ZNF667: variants seen among roughly 807,000 people sequenced by gnomAD.
The protein encoded by ZNF667 is zinc finger protein 667.
In ZNF667, 13 loss-of-function variants were observed where a neutral mutation model predicts 31.8. The ratio of observed to expected loss-of-function variants is 0.41; its 90% CI spans 0.27 to 0.65. The LOEUF (loss-of-function observed/expected upper bound fraction) is 0.65, where lower values mean the gene tolerates loss of function less well. Ranked by LOEUF, ZNF667 falls within the 30% of genes least tolerant of loss-of-function variation. ZNF667 has a pLI of 0.32. For synonymous variants in ZNF667, 228 were observed against 247.1 expected (o/e 0.92, Z 0.73); for missense variants, 642 against 725.6 (o/e 0.88, Z 1.32).
intron 2 of ZNF667, among the ~76,000 whole-genome samples, chr19:56,473,532 T>C (rs1382392282): frequency 1.3e-5 from 2 of 152,174 alleles, no homozygotes; most frequent in Non-Finnish European, 2.9e-5. Flanking sequence ...AGAACCATAG[T>C]AGTGATTCCT....
chr19:56,448,638 T>TAAAAA (rs34255832), intron 6 of ZNF667, among the ~76,000 whole-genome samples: 1 of 148,798 alleles, frequency 6.7e-6, no homozygotes, highest in Non-Finnish European at 1.5e-5. Context: ...TCAACCACAG[T>TAAAAA]AAAAAAAAAA....
At position 56,441,182 on chromosome 19, in the gene ZNF667, G is replaced by A; in HGVS notation, c.1813C>T (p.His605Tyr). The A allele has an allele frequency of 6.2e-7, 1 of 1,609,484 alleles. No individual in the cohort carries two copies. The highest frequency in any genetic ancestry group is 1.7e-5 in the Admixed American group (1 of 59,688). Residue 605 changes from histidine (H) to tyrosine (Y), a missense_variant, in exon 7 of 7, where the codon CAT becomes TAT. Physicochemically the swap from His to Tyr is moderately conservative, Grantham distance 83. Transcript: ENST00000504904. The surrounding 1 kb of genome is among the most constrained non-coding windows in gnomAD (Gnocchi z 4.2). ...SSSLIRHQNT[H>Y]SEEKA ...CAACCTTAGGCTTTTTCTTCAGAAT[G>A]TGTATTCTGATGTCGAATCAGGGAT...
intron 3 of ZNF667, among the ~76,000 whole-genome samples, chr19:56,464,852 C>T (rs1375951608): frequency 6.6e-6 from 1 of 152,196 alleles, no homozygotes; most frequent in African/African-American, 2.4e-5. Context: ...ACTAACTCAA[C>T]CAGATCCTCA....
intron 3 of ZNF667, among the ~76,000 whole-genome samples, chr19:56,464,932 T>C (rs368798195): frequency 1.3e-5 from 2 of 152,196 alleles, no homozygotes; most frequent in African/African-American, 4.8e-5. Flanking sequence ...CATTTGTCTT[T>C]GGAGAGGACA....
chr19:56,473,445 C>T (rs1461193632), intron 2 of ZNF667, among the ~76,000 whole-genome samples: 1 of 152,214 alleles, frequency 6.6e-6, no homozygotes, highest in Admixed American at 6.5e-5. Context: ...AACAACCTAA[C>T]AGCCCATCAA....
chr19:56,472,876 G>A (rs527735972), intron 2 of ZNF667: 1 of 152,080 alleles, frequency 6.6e-6, no homozygotes, highest in South Asian at 2.1e-4. Flanking sequence ...ACTGTTCAAG[G>A]GTCAACCACA....
intron 6 of ZNF667, among the ~76,000 whole-genome samples, chr19:56,447,707 C>G (rs2147696021): frequency 6.6e-6 from 1 of 152,208 alleles, no homozygotes; most frequent in South Asian, 2.1e-4. Flanking sequence ...ATGGTGAAAC[C>G]CCATCTCTAC....
chr19:56,462,573 T>C (rs866952449), intron 3 of ZNF667, 144 bp from the exon 4 acceptor site: 7 of 628,966 alleles, frequency 1.1e-5, no homozygotes, highest in Admixed American at 2.6e-5. Flanking sequence ...GGCGCATTCC[T>C]GTCCCCCCTC....
intron 1 of ZNF667, chr19:56,476,802 G>A (rs547131545): frequency 7.2e-5 from 11 of 152,808 alleles, no homozygotes; most frequent in African/African-American, 2.6e-4. Context: ...CAGACGCCCA[G>A]GCAAGTCACA....
rs149282516 is a variant in ZNF667 at position 56,446,105 on chromosome 19, G to A, written c.254-3364C>T. On this transcript the variant is annotated intron_variant, in intron 6 of 6. Coordinates refer to ENST00000504904, the MANE Select transcript of ZNF667 (RefSeq NM_001321356.2). ...CTAAAGATTTTTTCAGTACATATGTGGCTCACATTATATTTCTATTTCATA... is the reference window on the plus strand; with the variant it reads ...CTAAAGATTTTTTCAGTACATATGTAGCTCACATTATATTTCTATTTCATA... Among the ~76,000 whole-genome samples the A allele has an allele frequency of 5.2e-3, 797 of 152,306 alleles. 7 individuals carry two copies. The highest frequency in any genetic ancestry group is 9.4e-3 in the Non-Finnish European group (641 of 68,026).
intron 6 of ZNF667, among the ~76,000 whole-genome samples, chr19:56,452,341 C>T (rs2042848904): frequency 6.6e-6 from 1 of 152,038 alleles, no homozygotes; most frequent in Admixed American, 6.6e-5. Context: ...TGAGCCACCA[C>T]CCCCGGCCTG....
intron 4 of ZNF667, among the ~76,000 whole-genome samples, 158 bp from the exon 5 acceptor site, chr19:56,460,973 T>C (rs1303782646): frequency 6.6e-6 from 1 of 152,210 alleles, no homozygotes; most frequent in Non-Finnish European, 1.5e-5. Flanking sequence ...GTGTATTAAA[T>C]AAGTTAAATA....
In ZNF667 at chr19:56,441,634, C is replaced by A. The variant is rs376504755; in HGVS notation, c.1361G>T (p.Arg454Leu). ...TTGATGTTCAATAAGAAATGATTGG[C>A]GGCCGAAAACTTTACTACATTTATT... is the stretch of plus-strand genomic sequence containing the variant. ...KCNKCSKVFG[R>L]QSFLIEHQRI... The change falls in exon 7 of 7, where the codon CGC becomes CTC. Residue 454 changes from arginine to leucine, a missense_variant. Coordinates refer to ENST00000504904, the MANE Select transcript of ZNF667 (RefSeq NM_001321356.2). The surrounding 1 kb of genome is among the most constrained non-coding windows in gnomAD (Gnocchi z 4.2). 1 of 1,613,788 alleles carries A rather than the reference C, an allele frequency of 6.2e-7. No homozygotes were observed. Among genetic ancestry groups the A allele is most frequent in the Admixed American group, 1.7e-5 (1 of 59,958 alleles).
chr19:56,469,910 T>C, intron 3 of ZNF667: 1 of 489,674 alleles, frequency 2.0e-6, no homozygotes, highest in Non-Finnish European at 4.1e-6. Context: ...GAGCCTTCCC[T>C]CACCCACTAA....
chr19:56,476,707 C>T (rs2043417022), intron 1 of ZNF667, among the ~76,000 whole-genome samples: 1 of 152,192 alleles, frequency 6.6e-6, no homozygotes, highest in South Asian at 2.1e-4. Flanking sequence ...TGTGGGCCTC[C>T]ATTTCCATGG....
At chr19:56,443,626 T>C (rs1362714736) in intron 6 of ZNF667, among the ~76,000 whole-genome samples, 2 of 152,156 alleles carry the variant, frequency 1.3e-5, no homozygotes, top group Non-Finnish European at 2.9e-5. Context: ...TATGATCTTA[T>C]AGAACCATGG....
chr19:56,456,910 CA>C (rs2042942617), intron 6 of ZNF667, among the ~76,000 whole-genome samples: 1 of 152,120 alleles, frequency 6.6e-6, no homozygotes, highest in South Asian at 2.1e-4. Flanking sequence ...GATATTTCTT[CA>C]TGTTGAAATT....
intron 6 of ZNF667, among the ~76,000 whole-genome samples, chr19:56,451,891 A>AAAAAAAC (rs1179291363): frequency 6.7e-6 from 1 of 149,156 alleles, no homozygotes; most frequent in African/African-American, 2.5e-5. Flanking sequence ...AAAAAAAAAA[A>AAAAAAAC]AAAAAAAACT....
At chr19:56,475,332 G>A (rs755920761) in intron 1 of ZNF667, 6 of 152,214 alleles carry the variant, frequency 3.9e-5, no homozygotes, top group Non-Finnish European at 8.8e-5. Flanking sequence ...CCGGGCTGCA[G>A]GCCGTTTCTT....
Sources: gnomAD v4.1 joint callset for allele counts (sites outside exome capture counted in the v4.1 genomes callset) on GRCh38, gnomAD v4.1.1 for gene constraint, Gnocchi (gnomAD v3.1) non-coding constraint, MANE v1.5 for transcripts, NCBI Gene and HGNC (gene_info 2026-07-23, HGNC 2026-07-21) for gene names.